Variants in GPATCH8 observed in about 807,000 individuals in gnomAD.
GPATCH8 encodes the protein G-patch domain containing 8, also known as G patch domain-containing protein 8.
GPATCH8 carries 18 observed loss-of-function variants against 118.3 expected under a neutral mutation model. That is an observed-to-expected ratio of 0.15 (90% CI 0.11 to 0.23). The LOEUF (loss-of-function observed/expected upper bound fraction) is 0.23. Ranked by LOEUF, GPATCH8 falls within the 10% of genes least tolerant of loss-of-function variation. GPATCH8 has a pLI of 1.00. For synonymous variants in GPATCH8, 659 were observed against 684.7 expected (o/e 0.96, Z 0.59); for missense variants, 1,631 against 1,873.8 (o/e 0.87, Z 2.39).
intron 3 of GPATCH8, among the ~76,000 whole-genome samples, chr17:44,462,201 C>A (rs28688303): frequency 0.6 from 91,416 of 151,924 alleles, 27,710 homozygotes; most frequent in Middle Eastern, 0.67. Flanking sequence ...CCACTATGAA[C>A]CAGCCCCACC....
intron 3 of GPATCH8, among the ~76,000 whole-genome samples, chr17:44,452,287 AAAG>A (rs1368939798): frequency 1.3e-5 from 2 of 150,704 alleles, no homozygotes; most frequent in African/African-American, 2.4e-5. Flanking sequence ...AAAAAAAAAA[AAAG>A]AAAAAAAAAA....
At chr17:44,503,278 G>C (rs1392559658) in intron 1 of GPATCH8, 48 bp downstream of exon 1, 1 of 1,537,906 alleles carries the variant, frequency 6.5e-7, no homozygotes, top group Admixed American at 1.8e-5. Context: ...AGGAGGTTCT[G>C]GGCTAGACCA....
intron 6 of GPATCH8, among the ~76,000 whole-genome samples, chr17:44,412,673 C>T (rs886552170): frequency 1.3e-5 from 2 of 152,272 alleles, no homozygotes; most frequent in African/African-American, 2.4e-5. Context: ...TGTGAGCCAC[C>T]ACACCCAGCT....
intron 6 of GPATCH8, among the ~76,000 whole-genome samples, chr17:44,414,045 G>A (rs888223217): frequency 6.8e-6 from 1 of 147,266 alleles, no homozygotes; most frequent in Admixed American, 6.9e-5. Context: ...CACCAAGTAT[G>A]CCTGCTTTAA....
intron 3 of GPATCH8, among the ~76,000 whole-genome samples, chr17:44,437,903 C>A (rs1277931536): frequency 6.9e-5 from 8 of 115,276 alleles, no homozygotes; most frequent in African/African-American, 1.1e-4. Context: ...AAAAACAAAA[C>A]AAAAAAACCA....
rs754060531 is a variant in GPATCH8 at position 44,399,594 on chromosome 17, A to G, written c.2483T>C (p.Leu828Pro). The G allele has an allele frequency of 6.2e-7, 1 of 1,614,206 alleles. No homozygotes were observed. The highest frequency in any genetic ancestry group is 8.5e-7 in the Non-Finnish European group (1 of 1,180,026). ...EDSDDASSHR[L>P]HQKSPSQYSE... ...GTACTGGGATGGAGACTTCTGGTGC[A>G]GCCGGTGTGAGGAAGCATCATCACT... is the stretch of plus-strand genomic sequence containing the variant. The change falls in exon 8 of 8, where the codon CTG (leucine) becomes CCG (proline). Residue 828 changes from leucine to proline, a missense_variant. This residue lies in a region of GPATCH8 where 922 missense variants were observed against 879.7 expected (regional missense o/e 1.05). Coordinates refer to ENST00000591680, the MANE Select transcript of GPATCH8 (RefSeq NM_001002909.4).
chr17:44,469,683 C>G lies in GPATCH8; in HGVS notation c.121-5139G>C, dbSNP rs1193487875. On this transcript the variant is annotated intron_variant, in intron 2 of 7. Coordinates refer to ENST00000591680, the MANE Select transcript of GPATCH8 (RefSeq NM_001002909.4). The stretch of plus-strand genomic sequence containing the variant: ...TGTATTAAAGACTATAAGCAAGAAC[C>G]AATGCTACTAGGTGAACCCATGCAA... 2.6e-5 allele frequency among the ~76,000 whole-genome samples: 4 copies of G among 152,074 alleles called. No individual in the cohort carries two copies. In the East Asian group the frequency reaches 7.7e-4, roughly 29 times the overall value.
intron 2 of GPATCH8, chr17:44,473,621 T>G (rs1305407517): frequency 6.6e-6 from 1 of 152,078 alleles, no homozygotes; most frequent in Admixed American, 6.6e-5. Context: ...GAAGGTACTA[T>G]ATGCAGTGTT....
At position 44,395,809 on chromosome 17, in the gene GPATCH8, ATAGT is replaced by A; in HGVS notation, c.*1755_*1758del. On this transcript the variant is annotated 3_prime_UTR_variant, in exon 8 of 8. Coordinates refer to ENST00000591680, the MANE Select transcript of GPATCH8 (RefSeq NM_001002909.4). The stretch of plus-strand genomic sequence containing the variant: ...CAACCAACCAATTCTAGCCACACGA[ATAGT>A]TAGGAAAATGCCAAAGTGGGAATTG... 1 of 454,142 alleles carries A rather than the reference ATAGT, an allele frequency of 2.2e-6. No individual in the cohort carries two copies. The highest frequency in any genetic ancestry group is 4.4e-6 in the Non-Finnish European group (1 of 226,802). The allele number at this position is 454,142 out of a possible 1,614,324, so 28.1% of individuals were successfully genotyped here.
intron 7 of GPATCH8, among the ~76,000 whole-genome samples, chr17:44,402,625 A>T (rs2143661793): frequency 6.6e-6 from 1 of 152,330 alleles, no homozygotes; most frequent in African/African-American, 2.4e-5. Flanking sequence ...CTCTAAAAAA[A>T]ATAAAAATAA....
At chr17:44,409,049 CTTTT>C (rs774302357) in intron 6 of GPATCH8, 1 of 151,934 alleles carries the variant, frequency 6.6e-6, no homozygotes, top group African/African-American at 2.4e-5. Flanking sequence ...ATTCTGGCGA[CTTTT>C]TTTTAAGAGA....
chr17:44,467,025 TAAAC>T (rs1309437261), intron 2 of GPATCH8: 5 of 599,936 alleles, frequency 8.3e-6, no homozygotes, highest in Admixed American at 2.4e-5. Flanking sequence ...TGCACTCAAA[TAAAC>T]AGACAGATGA....
At chr17:44,442,019 ACT>A (rs944127218) in intron 3 of GPATCH8, among the ~76,000 whole-genome samples, 1 of 151,434 alleles carries the variant, frequency 6.6e-6, no homozygotes, top group African/African-American at 2.4e-5. Flanking sequence ...CAAGAGTGAA[ACT>A]CTGTCTCAAA....
In GPATCH8 at chr17:44,398,434, C is replaced by A; in HGVS notation, c.3643G>T (p.Ala1215Ser). The change falls in exon 8 of 8, where the codon GCT becomes TCT. Residue 1215 changes from alanine (A) to serine (S), a missense_variant. Transcript: ENST00000591680. ...PPPEESKSGE[A>S]TADHPVAPLG... ...GGAGCCACAGGGTGATCAGCAGTAGCTTCTCCAGACTTTGACTCTTCTGGG... is the reference window on the plus strand; with the variant it reads ...GGAGCCACAGGGTGATCAGCAGTAGATTCTCCAGACTTTGACTCTTCTGGG... 6.2e-7 allele frequency: 1 copy of A among 1,613,568 alleles called. No homozygotes were observed. The highest frequency in any genetic ancestry group is 1.3e-5 in the African/African-American group (1 of 75,012).
rs369966823 is a variant in GPATCH8, at chr17:44,400,556, C to T, written c.1521G>A (p.Met507Ile). Residue 507 changes from methionine to isoleucine, a missense_variant, in exon 8 of 8, where the codon ATG (methionine) becomes ATA (isoleucine). Coordinates refer to ENST00000591680, the MANE Select transcript of GPATCH8 (RefSeq NM_001002909.4). ...TTTCTTTAGAAGAGTTGGACTCACA[C>T]ATTTGGGTCTCTGAAACCTTCTGAC... ...SHSQKVSETQ[M>I]CESNSSKETS... 2 of 1,614,014 alleles carry T rather than the reference C, an allele frequency of 1.2e-6. No individual in the cohort carries two copies. The highest frequency in any genetic ancestry group is 2.7e-5 in the African/African-American group (2 of 74,926).
chr17:44,423,000 G>A (rs2143888199), intron 6 of GPATCH8, among the ~76,000 whole-genome samples: 1 of 151,884 alleles, frequency 6.6e-6, no homozygotes, highest in East Asian at 2.0e-4. Context: ...CGGGCGCAGT[G>A]GCTCACACCT....
At chr17:44,483,177 ATATATATATATATAT>A (rs1242715636) in intron 1 of GPATCH8, among the ~76,000 whole-genome samples, 91 of 6,964 alleles carry the variant, frequency 0.013, 14 homozygotes, top group African/African-American at 0.04. Context: ...AAAAAAAAAA[ATATATATATATATAT>A]ATATATATAT....
chr17:44,485,225 C>A (rs1968682080), intron 1 of GPATCH8, among the ~76,000 whole-genome samples: 1 of 152,044 alleles, frequency 6.6e-6, no homozygotes, highest in African/African-American at 2.4e-5. Context: ...CACTTCAGCC[C>A]CCCAAGTGGC....
In GPATCH8 at chr17:44,407,644, G is replaced by A. The variant is rs141030111; in HGVS notation, c.493-1593C>T. ...ATGAACAGCTGGCAAAACTGTTAGTGCCCATAATTAAGATTTTTTTTTTTT... is the reference window on the plus strand; with the variant it reads ...ATGAACAGCTGGCAAAACTGTTAGTACCCATAATTAAGATTTTTTTTTTTT... On this transcript the variant is annotated intron_variant, in intron 6 of 7. Coordinates refer to ENST00000591680, the MANE Select transcript of GPATCH8 (RefSeq NM_001002909.4). Among the ~76,000 whole-genome samples, 89 of 148,718 alleles carry A rather than the reference G, an allele frequency of 6.0e-4. No individual in the cohort carries two copies. In the East Asian group the frequency reaches 0.012, roughly 19 times the overall value.
Sources: gnomAD v4.1 joint callset for allele counts (sites outside exome capture counted in the v4.1 genomes callset) on GRCh38, gnomAD v4.1.1 for gene constraint, gnomAD v4.1.1 regional missense constraint, MANE v1.5 for transcripts, NCBI Gene and HGNC (gene_info 2026-07-23, HGNC 2026-07-21) for gene names.